The following FHDC1 variants were observed in gnomAD, a reference collection of about 807,000 sequenced individuals.
FHDC1 encodes FH2 domain-containing protein 1.
In FHDC1, 25 loss-of-function variants were observed where a neutral mutation model predicts 52.6. That is an observed-to-expected ratio of 0.48 (90% CI 0.35 to 0.66). The LOEUF (loss-of-function observed/expected upper bound fraction) is 0.66. Ranked by LOEUF, FHDC1 falls within the 30% of genes least tolerant of loss-of-function variation. The probability of loss-of-function intolerance (pLI) is 0.01; values close to 1 mark genes in which losing one functional copy is unlikely to be tolerated. For missense variants in FHDC1, 1,459 were observed against 1,452.8 expected, an observed-to-expected ratio of 1.00 and a Z score of -0.07; for synonymous variants, 616 against 581.5, an observed-to-expected ratio of 1.06 and a Z score of -0.85.
At chr4:152,947,865 C>T (rs772632068) in intron 2 of FHDC1, among the ~76,000 whole-genome samples, 20 of 151,988 alleles carry the variant, frequency 1.3e-4, no homozygotes, top group Admixed American at 4.6e-4. Context: ...ATTGGTTTTT[C>T]TAAATTTATG....
chr4:152,961,160 G>A (rs1294218889), intron 6 of FHDC1, among the ~76,000 whole-genome samples: 1 of 152,144 alleles, frequency 6.6e-6, no homozygotes, highest in African/African-American at 2.4e-5. Flanking sequence ...GTTGGTATGT[G>A]GTGTGTGCAT....
At chr4:152,922,221 A>G in the FHDC1 span, among the ~76,000 whole-genome samples, 6 of 152,334 alleles carry the variant, frequency 3.9e-5, no homozygotes, top group African/African-American at 9.6e-5. Context: ...AGAGAATACT[A>G]CAAACACCTC....
rs890142668 is a variant in FHDC1, at chr4:152,978,684, G to A, written c.*1961G>A. ...TTTTTTAATTTTAGGTCACTTATTAGTGAAACCTCATTTTAGATCTGACAT... is the reference window on the plus strand; with the variant it reads ...TTTTTTAATTTTAGGTCACTTATTAATGAAACCTCATTTTAGATCTGACAT... On this transcript the variant is annotated 3_prime_UTR_variant, in exon 12 of 12. Coordinates refer to ENST00000511601, the MANE Select transcript of FHDC1 (RefSeq NM_001371116.1). 3 of 152,032 alleles carry A rather than the reference G, an allele frequency of 2.0e-5. No homozygotes were observed. The highest frequency in any genetic ancestry group is 7.2e-5 in the African/African-American group (3 of 41,442). The allele number at this position is 152,032 out of a possible 1,614,324, so 9.4% of individuals were successfully genotyped here. A position where few individuals can be genotyped will look rare whatever the true frequency, so the allele number is the denominator to read the frequency against.
rs777076315 is a variant in FHDC1 at position 152,975,284 on chromosome 4, C to T, written c.1993C>T (p.Pro665Ser). Residue 665 changes from proline to serine, a missense_variant, in exon 12 of 12, where the codon CCA (proline) becomes TCA (serine). Pro to Ser is a moderately conservative substitution (Grantham distance 74). This residue lies in a region of FHDC1 where 939 missense variants were observed against 854.5 expected (regional missense o/e 1.10). Transcript: ENST00000511601. Reference sequence around the variant, plus strand: ...CTCAGCACAGTCCCCTCCTCTCTCGCCATTGGCTCTGGGAATTAAGGAGCA... The same window carrying T: ...CTCAGCACAGTCCCCTCCTCTCTCGTCATTGGCTCTGGGAATTAAGGAGCA... ...LGSAQSPPLS[P>S]LALGIKEHEL... is the part of the protein sequence containing the mutation. The T allele has an allele frequency of 1.9e-5, 30 of 1,613,608 alleles. 1 individual carries two copies. In the South Asian group the frequency reaches 3.1e-4, roughly 17 times the overall value.
chr4:152,949,367 C>A (rs1739854802), intron 2 of FHDC1, among the ~76,000 whole-genome samples: 1 of 146,670 alleles, frequency 6.8e-6, no homozygotes, highest in Non-Finnish European at 1.5e-5. Context: ...CTAGTCCTAG[C>A]TACTCAGGAG....
intron 1 of FHDC1, among the ~76,000 whole-genome samples, chr4:152,938,190 CTTT>C (rs72024131): frequency 2.1e-4 from 29 of 136,258 alleles, no homozygotes; most frequent in Non-Finnish European, 2.8e-4. Flanking sequence ...CACGCATGTG[CTTT>C]TTTTTTTTTT....
Position 152,960,648 on chromosome 4 carries a change from AAAGT to A in FHDC1, c.749+2_749+5del, listed in dbSNP as rs770873640. The A allele has an allele frequency of 6.2e-7, 1 of 1,614,166 alleles. No homozygotes were observed. The highest frequency in any genetic ancestry group is 1.1e-5 in the South Asian group (1 of 91,070). On this transcript the variant is annotated splice_donor_variant and coding_sequence_variant, in exon 5 of 12. Coordinates refer to ENST00000511601, the MANE Select transcript of FHDC1 (RefSeq NM_001371116.1). LOFTEE classifies it high-confidence loss of function. ...TTCTGTATGGCTTAATTCAGGTGCC[AAAGT>A]AAGGATACAGTCGCTGGTTATTATT...
the FHDC1 span, among the ~76,000 whole-genome samples, chr4:152,922,438 A>G: frequency 6.6e-6 from 1 of 152,124 alleles, no homozygotes; most frequent in African/African-American, 2.4e-5. Flanking sequence ...ACAAGGAGGA[A>G]CTGGTACCAT....
the FHDC1 span, among the ~76,000 whole-genome samples, chr4:152,926,316 C>CAAACACAT: frequency 6.9e-6 from 1 of 145,314 alleles, no homozygotes; most frequent in African/African-American, 2.5e-5. Flanking sequence ...ACAATACACA[C>CAAACACAT]AAACACATCT....
the FHDC1 span, among the ~76,000 whole-genome samples, chr4:152,926,247 ATGAAGGCCTT>A: frequency 7.7e-5 from 11 of 143,554 alleles, no homozygotes; most frequent in South Asian, 2.4e-3. Flanking sequence ...AAAACAAAAC[ATGAAGGCCTT>A]TAAAATACAG....
chr4:152,913,758 A>G, the FHDC1 span, among the ~76,000 whole-genome samples: 3 of 152,118 alleles, frequency 2.0e-5, no homozygotes, highest in Non-Finnish European at 4.4e-5. Context: ...GGCTCACTGC[A>G]ACCTCCGCCT....
At chr4:152,916,512 G>A in the FHDC1 span, among the ~76,000 whole-genome samples, 3 of 152,008 alleles carry the variant, frequency 2.0e-5, no homozygotes, top group African/African-American at 7.2e-5. Flanking sequence ...AAATAAGTGG[G>A]TGGATATGTG....
chr4:152,917,197 A>T, the FHDC1 span: 1 of 152,082 alleles, frequency 6.6e-6, no homozygotes, highest in African/African-American at 2.4e-5. Flanking sequence ...CCTAATAATG[A>T]TGGTTTTTTC....
rs1468334010 is a variant in FHDC1 at position 152,976,242 on chromosome 4, C to G, written c.2951C>G (p.Pro984Arg). Reference protein sequence around the residue: ...PLQPRGSFKKPSAKPLRNLPR... With the variant: ...PLQPRGSFKKRSAKPLRNLPR... ...CAGCCCAGGGGTTCTTTCAAGAAGC[C>G]CAGTGCCAAACCACTCAGGAACCTC... The change falls in exon 12 of 12, where the codon CCC (proline) becomes CGC (arginine). Residue 984 changes from proline (P) to arginine (R), a missense_variant. Physicochemically the swap from Pro to Arg is moderately radical, Grantham distance 103 (BLOSUM62 -2). This residue lies in a region of FHDC1 where 939 missense variants were observed against 854.5 expected (regional missense o/e 1.10). Transcript: ENST00000511601. 3 of 1,613,132 alleles carry G rather than the reference C, an allele frequency of 1.9e-6. No homozygotes were observed. The African/African-American group carries it at 4.0e-5, about 22-fold the overall frequency.
chr4:152,976,172 A>C lies in FHDC1; in HGVS notation c.2881A>C (p.Ser961Arg), dbSNP rs774763190. 6.2e-7 allele frequency: 1 copy of C among 1,611,964 alleles called. No individual in the cohort carries two copies. The highest frequency in any genetic ancestry group is 8.5e-7 in the Non-Finnish European group (1 of 1,179,520). The change falls in exon 12 of 12, where the codon AGC becomes CGC. Residue 961 changes from serine to arginine, a missense_variant. Ser to Arg is a moderately radical substitution (Grantham distance 110). Transcript: ENST00000511601. The stretch of plus-strand genomic sequence containing the variant: ...CGAAGAGCAGAGGCTGCCGCGGGGG[A>C]GCAGCGGCTCCAGCAGCACCCGTCC... Reference protein sequence around the residue: ...GAEEQRLPRGSSGSSSTRPGR... With the variant: ...GAEEQRLPRGRSGSSSTRPGR...
intron 1 of FHDC1, among the ~76,000 whole-genome samples, chr4:152,937,430 G>A (rs1053190416): frequency 6.6e-6 from 1 of 152,088 alleles, no homozygotes; most frequent in Non-Finnish European, 1.5e-5. Context: ...TGGCGCCCTG[G>A]GGGGCGTGGC....
chr4:152,975,083 T>A lies in FHDC1; in HGVS notation c.1792T>A (p.Phe598Ile), dbSNP rs747862990. 6.2e-6 allele frequency: 10 copies of A among 1,612,656 alleles called. No homozygotes were observed. The South Asian group carries it at 9.9e-5, about 16-fold the overall frequency. The change falls in exon 12 of 12, where the codon TTT becomes ATT. Residue 598 changes from phenylalanine to isoleucine, a missense_variant. Phe to Ile is a conservative substitution (Grantham distance 21). This residue lies in a region of FHDC1 where 939 missense variants were observed against 854.5 expected (regional missense o/e 1.10). Coordinates refer to ENST00000511601, the MANE Select transcript of FHDC1 (RefSeq NM_001371116.1). ...PAEVRHQDSSFAHKPQASGGQ... is the reference protein window; with the variant it reads ...PAEVRHQDSSIAHKPQASGGQ... The stretch of plus-strand genomic sequence containing the variant: ...AGAAGTGAGGCACCAGGACTCCAGC[T>A]TTGCACACAAACCTCAGGCCTCGGG...
chr4:152,931,453 AAAACAC>A (rs1199623269), upstream of FHDC1, among the ~76,000 whole-genome samples: 13 of 101,332 alleles, frequency 1.3e-4, no homozygotes, highest in African/African-American at 5.4e-4. Context: ...TCCAGCCTCT[AAAACAC>A]ACACACACAC....
chr4:152,954,357 T>C, intron 4 of FHDC1, 38 bp downstream of exon 4: 3 of 1,536,438 alleles, frequency 2.0e-6, no homozygotes, highest in Non-Finnish European at 2.7e-6. Context: ...ATGTTAGGAG[T>C]GATCATAAAA....
Sources: gnomAD v4.1 joint callset for allele counts (sites outside exome capture counted in the v4.1 genomes callset) on GRCh38, gnomAD v4.1.1 for gene constraint, gnomAD v4.1.1 regional missense constraint, MANE v1.5 for transcripts, NCBI Gene and HGNC (gene_info 2026-07-23, HGNC 2026-07-21) for gene names.